The following ST6GALNAC3 variants were observed in gnomAD, a reference collection of about 807,000 sequenced individuals.
ST6GALNAC3 encodes alpha-N-acetylgalactosaminide alpha-2,6-sialyltransferase 3.
In ST6GALNAC3, 25 loss-of-function variants were observed where a neutral mutation model predicts 32.7. The ratio of observed to expected loss-of-function variants is 0.76; its 90% confidence interval spans 0.56 to 1.07. The LOEUF (loss-of-function observed/expected upper bound fraction) is 1.07. Among genes scored for constraint, ST6GALNAC3 ranks in the 50% least tolerant of loss-of-function variants. The probability of loss-of-function intolerance (pLI) is 0.00; values close to 1 mark genes in which losing one functional copy is unlikely to be tolerated. For missense variants in ST6GALNAC3, 355 were observed against 382.4 expected (o/e 0.93, Z 0.60); for synonymous variants, 129 against 133.1 (o/e 0.97, Z 0.21).
chr1:76,523,111 A>G (rs1282579203), intron 3 of ST6GALNAC3, among the ~76,000 whole-genome samples: 1 of 152,060 alleles, frequency 6.6e-6, no homozygotes, highest in African/African-American at 2.4e-5. Flanking sequence ...TTTTCCTCAA[A>G]TGTTTAACCT....
At chr1:76,612,987 A>C (rs967671992) in intron 3 of ST6GALNAC3, among the ~76,000 whole-genome samples, 3 of 152,212 alleles carry the variant, frequency 2.0e-5, no homozygotes, top group Non-Finnish European at 2.9e-5. Flanking sequence ...GTTGATTATG[A>C]AACTGGAAGC....
At chr1:76,428,575 A>G (rs1357023703) in intron 3 of ST6GALNAC3, among the ~76,000 whole-genome samples, 1 of 151,854 alleles carries the variant, frequency 6.6e-6, no homozygotes, top group Non-Finnish European at 1.5e-5. Flanking sequence ...TGATTTTAAC[A>G]CTGTGGTCAT....
At chr1:76,389,012 C>CTTTTTT (rs371619828) in intron 2 of ST6GALNAC3, among the ~76,000 whole-genome samples, 1 of 127,364 alleles carries the variant, frequency 7.9e-6, no homozygotes, top group Non-Finnish European at 1.6e-5. Flanking sequence ...GGTATATTTC[C>CTTTTTT]TTTTTTTTTT....
intron 2 of ST6GALNAC3, among the ~76,000 whole-genome samples, chr1:76,388,938 G>A: frequency 6.6e-6 from 1 of 151,286 alleles, no homozygotes; most frequent in African/African-American, 2.4e-5. Context: ...CTATATGATG[G>A]TAATGATAAA....
chr1:76,554,411 C>CA (rs1241862959), intron 3 of ST6GALNAC3, among the ~76,000 whole-genome samples: 5 of 151,722 alleles, frequency 3.3e-5, no homozygotes, highest in Admixed American at 1.3e-4. Context: ...TACTCAGCTT[C>CA]AAAAAAAACC....
intron 3 of ST6GALNAC3, among the ~76,000 whole-genome samples, chr1:76,434,390 C>T (rs928022737): frequency 6.6e-5 from 10 of 152,066 alleles, no homozygotes; most frequent in Non-Finnish European, 1.5e-4. Flanking sequence ...AATATAAGCC[C>T]CTGTCCTAAA....
intron 2 of ST6GALNAC3, among the ~76,000 whole-genome samples, chr1:76,337,197 T>C (rs376116930): frequency 6.6e-6 from 1 of 152,148 alleles, no homozygotes; most frequent in Non-Finnish European, 1.5e-5. Context: ...CCCCCGCCCC[T>C]TGGACAAGGG....
chr1:76,201,328 G>T (rs1265802483), intron 1 of ST6GALNAC3, among the ~76,000 whole-genome samples: 1 of 152,146 alleles, frequency 6.6e-6, no homozygotes, highest in Non-Finnish European at 1.5e-5. Flanking sequence ...GCATGTGCTG[G>T]GGAACTCCCC....
At chr1:76,095,257 A>G (rs1647111141) in intron 1 of ST6GALNAC3, among the ~76,000 whole-genome samples, 1 of 152,212 alleles carries the variant, frequency 6.6e-6, no homozygotes, top group South Asian at 2.1e-4. Context: ...TACTTTGTAT[A>G]AATAATGTTT....
At chr1:76,285,330 A>T (rs1659713051) in intron 1 of ST6GALNAC3, among the ~76,000 whole-genome samples, 1 of 151,946 alleles carries the variant, frequency 6.6e-6, no homozygotes, top group African/African-American at 2.4e-5. Context: ...AGATGACCTT[A>T]CCTATAGTCT....
chr1:76,582,933 C>G (rs2100552403), intron 3 of ST6GALNAC3, among the ~76,000 whole-genome samples: 1 of 152,240 alleles, frequency 6.6e-6, no homozygotes, highest in Non-Finnish European at 1.5e-5. Context: ...AAATTTGAAC[C>G]CATGTACCAT....
chr1:76,120,207 G>A (rs2100833513), intron 1 of ST6GALNAC3, among the ~76,000 whole-genome samples: 1 of 152,328 alleles, frequency 6.6e-6, no homozygotes, highest in South Asian at 2.1e-4. Context: ...TGGCAAGGCT[G>A]GACTGGGGGA....
chr1:76,412,236 A>G lies in ST6GALNAC3; in HGVS notation c.442A>G (p.Asn148Asp), dbSNP rs748246926. ...CCCTGATTATTTTTTCAAGGAAGCGAATACTACTATTTATGTTATTTGGGG... is the reference window on the plus strand; with the variant it reads ...CCCTGATTATTTTTTCAAGGAAGCGGATACTACTATTTATGTTATTTGGGG... Reference protein sequence around the residue: ...KNPDYFFKEANTTIYVIWGPF... With the variant: ...KNPDYFFKEADTTIYVIWGPF... Residue 148 changes from asparagine (N) to aspartate (D), a missense_variant, in exon 3 of 5, where the codon AAT (asparagine) becomes GAT (aspartate). Asn to Asp is a conservative substitution (Grantham distance 23, BLOSUM62 1). Transcript: ENST00000328299. 11 of 1,613,702 alleles carry G rather than the reference A, an allele frequency of 6.8e-6. No homozygotes were observed. The East Asian group carries it at 2.5e-4, about 36-fold the overall frequency.
At chr1:76,196,718 G>T (rs1011271948) in intron 1 of ST6GALNAC3, among the ~76,000 whole-genome samples, 2 of 151,998 alleles carry the variant, frequency 1.3e-5, no homozygotes, top group East Asian at 3.9e-4. Flanking sequence ...CGCCCACCTC[G>T]GCCTCCCAAA....
chr1:76,579,424 T>A (rs921608733), intron 3 of ST6GALNAC3, among the ~76,000 whole-genome samples: 52 of 152,050 alleles, frequency 3.4e-4, no homozygotes, highest in African/African-American at 1.3e-3. Flanking sequence ...AGTTTTTATA[T>A]ATGAGTAGAA....
chr1:76,572,735 T>C (rs1384021694), intron 3 of ST6GALNAC3, among the ~76,000 whole-genome samples: 1 of 152,172 alleles, frequency 6.6e-6, no homozygotes, highest in Non-Finnish European at 1.5e-5. Context: ...TCTTACAAAT[T>C]AGCTGAGTTC....
chr1:76,270,293 G>A (rs1658763651), intron 1 of ST6GALNAC3, among the ~76,000 whole-genome samples: 1 of 151,954 alleles, frequency 6.6e-6, no homozygotes, highest in Non-Finnish European at 1.5e-5. Flanking sequence ...GATCCCCTGA[G>A]GTCAGGAGTT....
intron 3 of ST6GALNAC3, among the ~76,000 whole-genome samples, chr1:76,620,075 G>A (rs1648540377): frequency 6.6e-6 from 1 of 152,092 alleles, no homozygotes; most frequent in Non-Finnish European, 1.5e-5. Context: ...ACCCTGAGTT[G>A]AGATTGGGGC....
At chr1:76,615,799 T>C (rs1476490135) in intron 3 of ST6GALNAC3, among the ~76,000 whole-genome samples, 4 of 152,194 alleles carry the variant, frequency 2.6e-5, no homozygotes, top group Non-Finnish European at 2.9e-5. Flanking sequence ...CTTTATGACA[T>C]TTTGGCTTCT....
Sources: allele counts gnomAD v4.1 joint callset (sites outside exome capture counted in the v4.1 genomes callset), GRCh38; gene constraint gnomAD v4.1.1; transcripts MANE v1.5; gene names NCBI Gene and HGNC (gene_info 2026-07-23, HGNC 2026-07-21).